Variants in ELP3 observed in about 807,000 individuals in gnomAD.
The protein encoded by ELP3 is elongator acetyltransferase complex subunit 3.
A neutral mutation model predicts 74.9 loss-of-function variants in ELP3; 56 were observed. That is an observed-to-expected ratio of 0.75 (90% CI 0.60 to 0.93). ELP3 has a LOEUF of 0.93. Ranked by LOEUF, ELP3 falls within the 40% of genes least tolerant of loss-of-function variation. The pLI is 0.00. For missense variants in ELP3, 573 were observed against 686.5 expected, an observed-to-expected ratio of 0.83 and a Z score of 1.85; for synonymous variants, 222 against 239.8, an observed-to-expected ratio of 0.93 and a Z score of 0.68.
chr8:28,185,721 C>T (rs886529523), intron 14 of ELP3, among the ~76,000 whole-genome samples: 1 of 152,126 alleles, frequency 6.6e-6, no homozygotes, highest in Non-Finnish European at 1.5e-5. Flanking sequence ...GAGGCAGTGG[C>T]TGAGCCCGCG....
intron 10 of ELP3, among the ~76,000 whole-genome samples, chr8:28,144,902 T>G (rs1252007571): frequency 1.3e-5 from 2 of 151,918 alleles, no homozygotes; most frequent in Non-Finnish European, 2.9e-5. Flanking sequence ...ATTAGCTGAG[T>G]GTGGTGGTGG....
intron 11 of ELP3, 96 bp downstream of exon 11, chr8:28,156,128 T>C: frequency 1.0e-6 from 1 of 967,678 alleles, no homozygotes; most frequent in Non-Finnish European, 1.6e-6. Context: ...AAACCAGACT[T>C]GCGGGTCAGG....
chr8:28,185,557 G>A (rs1474621145), intron 14 of ELP3, among the ~76,000 whole-genome samples: 1 of 152,188 alleles, frequency 6.6e-6, no homozygotes, highest in Non-Finnish European at 1.5e-5. Context: ...CTCTAATTAA[G>A]GCACACAGCC....
intron 3 of ELP3, among the ~76,000 whole-genome samples, chr8:28,101,288 CG>C: frequency 6.6e-6 from 1 of 151,414 alleles, no homozygotes; most frequent in Non-Finnish European, 1.5e-5. Context: ...GGCGTTGTGG[CG>C]GGGGCCTGTA....
intron 9 of ELP3, 53 bp downstream of exon 9, chr8:28,132,457 C>A (rs1367013213): frequency 6.2e-7 from 1 of 1,608,958 alleles, no homozygotes; most frequent in Non-Finnish European, 8.5e-7. Flanking sequence ...TGTTTCTTAT[C>A]CCATCTGGTC....
intron 14 of ELP3, among the ~76,000 whole-genome samples, chr8:28,182,887 G>C (rs978902486): frequency 1.3e-5 from 2 of 152,226 alleles, no homozygotes; most frequent in Non-Finnish European, 2.9e-5. Context: ...AAGGATCAGA[G>C]AGATGCTGTA....
chr8:28,140,514 G>A lies in ELP3; in HGVS notation c.1100+2623G>A, dbSNP rs183833655. Among the ~76,000 whole-genome samples the A allele has an allele frequency of 2.2e-3, 334 of 152,084 alleles. 5 individuals carry two copies. The highest frequency in any genetic ancestry group is 7.7e-3 in the African/African-American group (321 of 41,464). ...CAAATTTTCCTACTCACTAAAATTCGTTTGTGACTCAAATCCAATACTGGC... is the reference window on the plus strand; with the variant it reads ...CAAATTTTCCTACTCACTAAAATTCATTTGTGACTCAAATCCAATACTGGC... On this transcript the variant is annotated intron_variant, in intron 10 of 14. Coordinates refer to ENST00000256398, the MANE Select transcript of ELP3 (RefSeq NM_018091.6).
chr8:28,133,199 T>C (rs1812847543), intron 9 of ELP3, among the ~76,000 whole-genome samples: 1 of 152,190 alleles, frequency 6.6e-6, no homozygotes, highest in Admixed American at 6.5e-5. Context: ...ATAATACATT[T>C]TTCAAGTTTG....
chr8:28,175,344 G>C (rs1814700486), intron 14 of ELP3, among the ~76,000 whole-genome samples: 1 of 151,910 alleles, frequency 6.6e-6, no homozygotes, highest in Non-Finnish European at 1.5e-5. Flanking sequence ...CCTCAGACTA[G>C]ATAAATTCAG....
intron 7 of ELP3, among the ~76,000 whole-genome samples, chr8:28,122,557 A>G (rs986949134): frequency 6.6e-6 from 1 of 152,162 alleles, no homozygotes; most frequent in Non-Finnish European, 1.5e-5. Flanking sequence ...TGTCTGTTTC[A>G]TTCATTTTGT....
At chr8:28,103,758 G>A (rs905426427) in intron 3 of ELP3, among the ~76,000 whole-genome samples, 3 of 152,084 alleles carry the variant, frequency 2.0e-5, no homozygotes, top group Non-Finnish European at 4.4e-5. Flanking sequence ...TTTAAGACAG[G>A]GTTTTGTCCT....
chr8:28,156,234 C>T (rs1175152520), intron 11 of ELP3, among the ~76,000 whole-genome samples: 1 of 152,208 alleles, frequency 6.6e-6, no homozygotes, highest in East Asian at 1.9e-4. Context: ...TCATTCCCTT[C>T]TGCTTTCTTC....
Position 28,188,620 on chromosome 8 carries a change from C to T in ELP3, c.1568-1029C>T, listed in dbSNP as rs184877500. 5.3e-4 allele frequency among the ~76,000 whole-genome samples: 80 copies of T among 152,368 alleles called. 2 individuals carry two copies. The highest frequency in any genetic ancestry group is 3.6e-3 in the Admixed American group (55 of 15,308). ...TTGCTGGGAGCATGGTGCACCCCAA[C>T]GCGGTGGGGACAAACACTTCTGTGC... On this transcript the variant is annotated intron_variant, in intron 14 of 14. Coordinates refer to ENST00000256398, the MANE Select transcript of ELP3 (RefSeq NM_018091.6).
chr8:28,144,251 A>T (rs1021050063), intron 10 of ELP3, among the ~76,000 whole-genome samples: 2 of 152,226 alleles, frequency 1.3e-5, no homozygotes, highest in Non-Finnish European at 2.9e-5. Flanking sequence ...CGTATAGGAC[A>T]CTTAGCACAT....
intron 14 of ELP3, among the ~76,000 whole-genome samples, chr8:28,170,629 C>G (rs1814485852): frequency 6.6e-6 from 1 of 152,168 alleles, no homozygotes; most frequent in African/African-American, 2.4e-5. Context: ...TGGTTTCCCT[C>G]TGGAGCTTTC....
chr8:28,181,959 C>CTTTG (rs961056642), intron 14 of ELP3, among the ~76,000 whole-genome samples: 50 of 115,576 alleles, frequency 4.3e-4, no homozygotes, highest in African/African-American at 1.4e-3. Flanking sequence ...AAGTGGTTTT[C>CTTTG]TTTGTTTGTT....
intron 4 of ELP3, 30 bp from the exon 5 acceptor site, chr8:28,107,883 G>T: frequency 6.2e-7 from 1 of 1,603,104 alleles, no homozygotes; most frequent in South Asian, 1.1e-5. Context: ...TTTTGCATCT[G>T]ACATTCTTGT....
At chr8:28,180,976 T>A (rs1341991918) in intron 14 of ELP3, among the ~76,000 whole-genome samples, 1 of 152,172 alleles carries the variant, frequency 6.6e-6, no homozygotes, top group Non-Finnish European at 1.5e-5. Flanking sequence ...GGGAGTGTTA[T>A]GACTGCTTCT....
At chr8:28,093,076 G>A, upstream of ELP3, 1 of 1,424,262 alleles carries the variant, frequency 7.0e-7, no homozygotes, top group East Asian at 2.4e-5. Context: ...TGTGCACGTC[G>A]GCTTCCGGGA....
Sources: gnomAD v4.1 joint callset for allele counts (sites outside exome capture counted in the v4.1 genomes callset) on GRCh38, gnomAD v4.1.1 for gene constraint, MANE v1.5 for transcripts, NCBI Gene and HGNC (gene_info 2026-07-23, HGNC 2026-07-21) for gene names.